The following SV2C variants were observed in gnomAD, a reference collection of about 807,000 sequenced individuals.
The protein encoded by SV2C is synaptic vesicle glycoprotein 2C.
SV2C carries 49 observed loss-of-function variants against 79.7 expected under a neutral mutation model. That is an observed-to-expected ratio of 0.61 (90% CI 0.49 to 0.78). SV2C has a LOEUF of 0.78. SV2C is among the 30% of genes least tolerant of loss of function. SV2C has a pLI of 0.00. For missense variants in SV2C, 833 were observed against 912.9 expected (o/e 0.91, Z 1.13); for synonymous variants, 334 against 333.2 (o/e 1.00, Z -0.03).
intron 3 of SV2C, among the ~76,000 whole-genome samples, chr5:76,197,737 T>TAGATAGATAGATAGATAGATAG (rs1554039526): frequency 6.7e-4 from 2 of 2,998 alleles, no homozygotes; most frequent in African/African-American, 3.9e-3. Context: ...TAGATAGATA[T>TAGATAGATAGATAGATAGATAG]GAGACAGGAC....
At chr5:75,971,497 G>A in the SV2C span, among the ~76,000 whole-genome samples, 1 of 152,034 alleles carries the variant, frequency 6.6e-6, no homozygotes, top group Non-Finnish European at 1.5e-5. Context: ...CAAAATCAAT[G>A]TGCAAAAATC....
the SV2C span, among the ~76,000 whole-genome samples, chr5:75,883,485 A>G: frequency 7.0e-6 from 1 of 143,714 alleles, no homozygotes; most frequent in South Asian, 2.1e-4. Flanking sequence ...TGGCACATAT[A>G]CACCATGGAA....
chr5:76,068,255 G>A, the SV2C span, among the ~76,000 whole-genome samples: 1 of 152,158 alleles, frequency 6.6e-6, no homozygotes. Context: ...AGAGTCAGGA[G>A]TGGGTGTGAA....
At chr5:76,061,998 G>A in the SV2C span, among the ~76,000 whole-genome samples, 3 of 151,972 alleles carry the variant, frequency 2.0e-5, no homozygotes, top group Non-Finnish European at 2.9e-5. Context: ...GGAGTGTTTA[G>A]CTGAAATGAT....
chr5:76,095,252 T>G (rs1247999075), intron 1 of SV2C, among the ~76,000 whole-genome samples: 2 of 152,208 alleles, frequency 1.3e-5, no homozygotes, highest in South Asian at 4.1e-4. Flanking sequence ...AGTTCTTGCA[T>G]CCATGTAGTA....
intron 4 of SV2C, among the ~76,000 whole-genome samples, chr5:76,251,542 C>A (rs1746117990): frequency 6.6e-6 from 1 of 152,060 alleles, no homozygotes; most frequent in South Asian, 2.1e-4. Flanking sequence ...CAGTGTGAGA[C>A]CCTGTCTCAA....
At chr5:75,943,099 A>G in the SV2C span, among the ~76,000 whole-genome samples, 1 of 152,202 alleles carries the variant, frequency 6.6e-6, no homozygotes, top group South Asian at 2.1e-4. Context: ...CCATTAGTGT[A>G]GCATTAAGCA....
intron 4 of SV2C, among the ~76,000 whole-genome samples, chr5:76,232,015 C>T (rs1193218170): frequency 3.0e-4 from 44 of 145,578 alleles, no homozygotes; most frequent in Non-Finnish European, 4.4e-4. Flanking sequence ...ATCGTCACAC[C>T]GACTTCCACA....
chr5:76,299,675 G>T (rs1445880636), intron 10 of SV2C, among the ~76,000 whole-genome samples: 1 of 152,182 alleles, frequency 6.6e-6, no homozygotes, highest in Non-Finnish European at 1.5e-5. Context: ...CCTTCTTAGT[G>T]CTCAGACAAG....
chr5:76,064,236 G>A, the SV2C span, among the ~76,000 whole-genome samples: 5 of 152,120 alleles, frequency 3.3e-5, no homozygotes, highest in African/African-American at 1.2e-4. Context: ...AGGACTGGAG[G>A]AGAAAGATTC....
chr5:76,320,141 C>G (rs1023327938), intron 12 of SV2C, among the ~76,000 whole-genome samples: 1 of 149,496 alleles, frequency 6.7e-6, no homozygotes, highest in Non-Finnish European at 1.5e-5. Flanking sequence ...GCAATAGCCT[C>G]GTCTCGTCTT....
At chr5:76,068,197 T>C in the SV2C span, among the ~76,000 whole-genome samples, 1 of 152,170 alleles carries the variant, frequency 6.6e-6, no homozygotes, top group Non-Finnish European at 1.5e-5. Flanking sequence ...CAGTTTGACA[T>C]AAATATTATC....
the SV2C span, among the ~76,000 whole-genome samples, chr5:75,956,224 T>C: frequency 1.1e-4 from 16 of 143,534 alleles, no homozygotes; most frequent in East Asian, 3.0e-3. Flanking sequence ...CCATAAAAAA[T>C]GATGAGTTCA....
chr5:76,133,104 G>A lies in SV2C; in HGVS notation c.580+774G>A, dbSNP rs117890149. On this transcript the variant is annotated intron_variant, in intron 2 of 12. Coordinates refer to ENST00000502798, the MANE Select transcript of SV2C (RefSeq NM_014979.4). ...TACAAAGCTATAGTTAACACTCTCC[G>A]AGTTTGTGCAAGGGAAAATAAGTAG... is the stretch of plus-strand genomic sequence containing the variant. Among the ~76,000 whole-genome samples the A allele has an allele frequency of 2.4e-3, 365 of 152,214 alleles. 15 individuals carry two copies. The East Asian group carries it at 0.068, about 28-fold the overall frequency.
At chr5:76,228,310 C>T (rs1334172960) in intron 4 of SV2C, among the ~76,000 whole-genome samples, 3 of 152,150 alleles carry the variant, frequency 2.0e-5, no homozygotes. Flanking sequence ...TTGAACAGGG[C>T]TGAGCTGTAT....
Position 76,195,012 on chromosome 5 carries a change from T to G in SV2C, c.674T>G (p.Met225Arg). 1 of 1,614,158 alleles carries G rather than the reference T, an allele frequency of 6.2e-7. No homozygotes were observed. The highest frequency in any genetic ancestry group is 8.5e-7 in the Non-Finnish European group (1 of 1,179,980). The change falls in exon 3 of 13, where the codon ATG (methionine) becomes AGG (arginine). Residue 225 changes from methionine to arginine, a missense_variant. Coordinates refer to ENST00000502798, the MANE Select transcript of SV2C (RefSeq NM_014979.4). ...AGGAAACAGTCTCTTCTGATTTGCA[T>G]GTCTGTCAACGGATTCTTTGCCTTC... is the stretch of plus-strand genomic sequence containing the variant. ...VGRKQSLLIC[M>R]SVNGFFAFLS...
At chr5:75,847,659 T>C in the SV2C span, among the ~76,000 whole-genome samples, 1 of 152,230 alleles carries the variant, frequency 6.6e-6, no homozygotes, top group African/African-American at 2.4e-5. Flanking sequence ...GTTGACTTCC[T>C]CTTTGATTCT....
chr5:75,928,213 A>G, the SV2C span, among the ~76,000 whole-genome samples: 1 of 152,180 alleles, frequency 6.6e-6, no homozygotes, highest in Non-Finnish European at 1.5e-5. Context: ...TCATCACTCC[A>G]AACAGAAACT....
chr5:76,182,959 CAGAG>C (rs58651320), intron 2 of SV2C, among the ~76,000 whole-genome samples: 97,803 of 141,068 alleles, frequency 0.69, 34,866 homozygotes, highest in East Asian at 0.91. Context: ...GAGAGAGAGA[CAGAG>C]AGAGAGAGAG....
Sources: gnomAD v4.1 joint callset for allele counts (sites outside exome capture counted in the v4.1 genomes callset) on GRCh38, gnomAD v4.1.1 for gene constraint, MANE v1.5 for transcripts, NCBI Gene and HGNC (gene_info 2026-07-23, HGNC 2026-07-21) for gene names.